The following CASQ2 variants were observed in gnomAD, a reference collection of about 807,000 sequenced individuals.
The protein encoded by CASQ2 is calsequestrin 2.
A neutral mutation model predicts 46.5 loss-of-function variants in CASQ2; 49 were observed. The observed-to-expected ratio is 1.05, with a 90% CI of 0.84 to 1.34. The LOEUF (loss-of-function observed/expected upper bound fraction) is 1.34. Ranked by LOEUF, CASQ2 falls within the 40% of genes most tolerant of loss-of-function variation. The pLI, the probability that CASQ2 is intolerant of heterozygous loss-of-function variation, is 0.00. For missense variants in CASQ2, 486 were observed against 481.3 expected, an observed-to-expected ratio of 1.01 and a Z score of -0.09; for synonymous variants, 174 against 168.5, an observed-to-expected ratio of 1.03 and a Z score of -0.25.
chr1:115,724,159 T>C (rs1432764145), intron 7 of CASQ2, among the ~76,000 whole-genome samples: 1 of 152,218 alleles, frequency 6.6e-6, no homozygotes, highest in Non-Finnish European at 1.5e-5. Context: ...GGAGGCATTC[T>C]GCAGAGAACA....
At chr1:115,755,803 T>C (rs928948041) in intron 1 of CASQ2, among the ~76,000 whole-genome samples, 4 of 152,218 alleles carry the variant, frequency 2.6e-5, no homozygotes, top group Admixed American at 6.5e-5. Context: ...AGGAGCGTAC[T>C]GTGGCTTAGA....
chr1:115,740,709 A>G lies in CASQ2; in HGVS notation c.420+19T>C. 2 of 1,465,262 alleles carry G rather than the reference A, an allele frequency of 1.4e-6. No homozygotes were observed. The highest frequency in any genetic ancestry group is 1.9e-6 in the Non-Finnish European group (2 of 1,043,816). The allele number at this position is 1,465,262 out of a possible 1,614,324, so 90.8% of individuals were successfully genotyped here. A position where few individuals can be genotyped will look rare whatever the true frequency, so the allele number is the denominator to read the frequency against. On this transcript the variant is annotated intron_variant, in intron 3 of 10. Coordinates refer to ENST00000261448, the MANE Select transcript of CASQ2 (RefSeq NM_001232.4). ...AGGAGAGGCAGCTCCATGCAGGGTCACTGTGTATAAATACTTACATCCAAG... is the reference window on the plus strand; with the variant it reads ...AGGAGAGGCAGCTCCATGCAGGGTCGCTGTGTATAAATACTTACATCCAAG...
intron 8 of CASQ2, among the ~76,000 whole-genome samples, chr1:115,712,512 C>G (rs1654579164): frequency 6.6e-6 from 1 of 152,090 alleles, no homozygotes; most frequent in Non-Finnish European, 1.5e-5. Flanking sequence ...CTTCTTCGTC[C>G]CTGTACTTTA....
chr1:115,738,346 A>C lies in CASQ2; in HGVS notation c.421-11T>G. The C allele has an allele frequency of 7.1e-7, 1 of 1,412,666 alleles. No individual in the cohort carries two copies. The highest frequency in any genetic ancestry group is 1.0e-6 in the Non-Finnish European group (1 of 996,222). The allele number at this position is 1,412,666 out of a possible 1,614,324, so 87.5% of individuals were successfully genotyped here. ...TGGGTCTTCAATTAGCTGAAATGCC[A>C]CACGCACATACACACATGTTCAAAC... On this transcript the variant is annotated splice_polypyrimidine_tract_variant and intron_variant, in intron 3 of 10. Coordinates refer to ENST00000261448, the MANE Select transcript of CASQ2 (RefSeq NM_001232.4).
At position 115,768,641 on chromosome 1, in the gene CASQ2, G is replaced by T. The variant is rs1467991556; in HGVS notation, c.-100C>A. 4 of 793,382 alleles carry T rather than the reference G, an allele frequency of 5.0e-6. No homozygotes were observed. The highest frequency in any genetic ancestry group is 1.7e-5 in the African/African-American group (1 of 58,470). 49.1% of individuals were successfully genotyped at this position (793,382 alleles called of 1,614,324 possible). A position where few individuals can be genotyped will look rare whatever the true frequency, so the allele number is the denominator to read the frequency against. Reference sequence around the variant, plus strand: ...GTTGAGCCAAGGAGAGAGCAGACAGGCTGATTTTCTCTCTTCTTTGCCCTT... The same window carrying T: ...GTTGAGCCAAGGAGAGAGCAGACAGTCTGATTTTCTCTCTTCTTTGCCCTT... On this transcript the variant is annotated 5_prime_UTR_variant, in exon 1 of 11. Coordinates refer to ENST00000261448, the MANE Select transcript of CASQ2 (RefSeq NM_001232.4).
intron 1 of CASQ2, among the ~76,000 whole-genome samples, chr1:115,754,969 G>T (rs750664987): frequency 1.3e-5 from 2 of 152,210 alleles, no homozygotes; most frequent in Non-Finnish European, 2.9e-5. Context: ...CAGAGTTTCT[G>T]ATTCAGCAGG....
intron 8 of CASQ2, among the ~76,000 whole-genome samples, chr1:115,705,731 C>G (rs1654339532): frequency 6.6e-6 from 1 of 152,278 alleles, no homozygotes; most frequent in African/African-American, 2.4e-5. Context: ...TTTCTACAAC[C>G]AGGAATTGCT....
intron 3 of CASQ2, among the ~76,000 whole-genome samples, chr1:115,740,279 G>A (rs1355696212): frequency 6.6e-6 from 1 of 152,198 alleles, no homozygotes; most frequent in Non-Finnish European, 1.5e-5. Context: ...CTGAAAAAGT[G>A]TGATACTGGG....
intron 5 of CASQ2, 101 bp from the exon 6 acceptor site, chr1:115,727,223 A>G: frequency 1.1e-6 from 1 of 890,144 alleles, no homozygotes; most frequent in Admixed American, 1.9e-5. Context: ...CGGCAAAGAC[A>G]TAAAAACAGA....
intron 8 of CASQ2, among the ~76,000 whole-genome samples, chr1:115,712,210 C>A (rs1239056109): frequency 6.6e-6 from 1 of 152,190 alleles, no homozygotes. Context: ...CAAGAAGTCA[C>A]CCGTGAGAGT....
chr1:115,726,886 A>G, intron 6 of CASQ2, 106 bp downstream of exon 6: 1 of 826,614 alleles, frequency 1.2e-6, no homozygotes, highest in Non-Finnish European at 2.0e-6. Flanking sequence ...CTGCTGGGGT[A>G]CTAACTAGGT....
At chr1:115,761,893 G>A (rs1025962770) in intron 1 of CASQ2, among the ~76,000 whole-genome samples, 1 of 152,196 alleles carries the variant, frequency 6.6e-6, no homozygotes, top group Non-Finnish European at 1.5e-5. Flanking sequence ...TTCAGCACAG[G>A]AAAATTGGTT....
Position 115,700,866 on chromosome 1 carries a change from A to G in CASQ2, c.*375T>C. ...GGTCACTCTATGCCTGTGAGTTAGAAAGCTGTCAATTTTGTTACTGTCATA... is the reference window on the plus strand; with the variant it reads ...GGTCACTCTATGCCTGTGAGTTAGAGAGCTGTCAATTTTGTTACTGTCATA... On this transcript the variant is annotated 3_prime_UTR_variant, in exon 11 of 11. Transcript: ENST00000261448. 1.7e-6 allele frequency: 1 copy of G among 587,568 alleles called. No homozygotes were observed. Among genetic ancestry groups the G allele is most frequent in the Non-Finnish European group, 3.0e-6 (1 of 332,378 alleles). 36.4% of individuals were successfully genotyped at this position (587,568 alleles called of 1,614,324 possible).
At chr1:115,757,148 A>G (rs1056697742) in intron 1 of CASQ2, among the ~76,000 whole-genome samples, 8 of 152,216 alleles carry the variant, frequency 5.3e-5, no homozygotes, top group Non-Finnish European at 1.2e-4. Context: ...TTATTTCCTT[A>G]TAATTCCATA....
intron 1 of CASQ2, among the ~76,000 whole-genome samples, chr1:115,768,043 G>A (rs1234492190): frequency 6.6e-6 from 1 of 152,124 alleles, no homozygotes; most frequent in Admixed American, 6.5e-5. Context: ...CCCTTGAAAA[G>A]TCAAGGGGGC....
At chr1:115,716,423 A>T (rs1258928509) in intron 8 of CASQ2, among the ~76,000 whole-genome samples, 4 of 152,216 alleles carry the variant, frequency 2.6e-5, no homozygotes, top group Non-Finnish European at 5.9e-5. Context: ...TCCTAAGCAC[A>T]GACAATATTT....
intron 1 of CASQ2, among the ~76,000 whole-genome samples, chr1:115,756,440 T>C (rs1648762617): frequency 6.6e-6 from 1 of 152,298 alleles, no homozygotes; most frequent in East Asian, 1.9e-4. Context: ...GAATGAGCAC[T>C]AAAGCTAAGC....
intron 4 of CASQ2, among the ~76,000 whole-genome samples, chr1:115,737,434 C>T (rs534585289): frequency 6.5e-4 from 99 of 152,280 alleles, no homozygotes; most frequent in African/African-American, 1.9e-3. Context: ...GTACTTCCTA[C>T]GTGTATGAAT....
Position 115,717,858 on chromosome 1 carries a change from CA to C in CASQ2, c.819del (p.Phe273LeufsTer16). Reference sequence around the variant, plus strand: ...TTCCTACCTGGATCACTCTTCTCTGCAAAGGCCACAATGTGGATCCCATTCA... The same window carrying C: ...TTCCTACCTGGATCACTCTTCTCTGCAAGGCCACAATGTGGATCCCATTCA... ...DDLNGIHIVA[F>X]AEKSDPDGYE... is the part of the protein sequence containing the mutation. On this transcript the variant is annotated frameshift_variant, in exon 8 of 11. Transcript: ENST00000261448. LOFTEE classifies it high-confidence loss of function. 1 of 1,611,690 alleles carries C rather than the reference CA, an allele frequency of 6.2e-7. No homozygotes were observed. The highest frequency in any genetic ancestry group is 8.5e-7 in the Non-Finnish European group (1 of 1,177,796).
Sources: allele counts gnomAD v4.1 joint callset (sites outside exome capture counted in the v4.1 genomes callset), GRCh38; gene constraint gnomAD v4.1.1; transcripts MANE v1.5; gene names NCBI Gene and HGNC (gene_info 2026-07-23, HGNC 2026-07-21).